ZNF729: variants seen among roughly 807,000 people sequenced by gnomAD.
The protein encoded by ZNF729 is zinc finger protein 729.
ZNF729 carries 15 observed loss-of-function variants against 12.2 expected under a neutral mutation model. The observed-to-expected ratio is 1.23, with a 90% CI of 0.82 to 1.89. The LOEUF is 1.89. ZNF729 is among the 40% of genes most tolerant of loss of function. The pLI is 0.00. For missense variants in ZNF729, 1,540 were observed against 1,456.7 expected (o/e 1.06, Z -0.93); for synonymous variants, 492 against 476.3 (o/e 1.03, Z -0.43).
rs754890168 is a variant in ZNF729, at chr19:22,317,059, A to G, written c.3642A>G (p.Lys1214=). 3 of 1,606,704 alleles carry G rather than the reference A, an allele frequency of 1.9e-6. No individual in the cohort carries two copies. The South Asian group carries it at 3.3e-5, about 18-fold the overall frequency. The change falls in exon 4 of 4, where the codon AAA becomes AAG. Residue 1214 remains lysine (K), a synonymous_variant. Transcript: ENST00000601693. ...ATAAAACAATTCATACCAGAGAGAAACCTACAAATGTGAAGAAAGTACCAA... is the reference window on the plus strand; with the variant it reads ...ATAAAACAATTCATACCAGAGAGAAGCCTACAAATGTGAAGAAAGTACCAA... The part of the protein sequence containing the change: ...IRHKTIHTRE[K]PTNVKKVPKL...
Position 22,316,458 on chromosome 19 carries a change from A to G in ZNF729, c.3041A>G (p.His1014Arg). 1 of 1,613,692 alleles carries G rather than the reference A, an allele frequency of 6.2e-7. No homozygotes were observed. The highest frequency in any genetic ancestry group is 8.5e-7 in the Non-Finnish European group (1 of 1,179,710). The change falls in exon 4 of 4, where the codon CAT becomes CGT. Residue 1014 changes from histidine to arginine, a missense_variant. Coordinates refer to ENST00000601693, the MANE Select transcript of ZNF729 (RefSeq NM_001242680.2). Reference protein sequence around the residue: ...SSTLKKHKLIHTREKLYKCEE... With the variant: ...SSTLKKHKLIRTREKLYKCEE... ...ACCCTTAAGAAACATAAGCTAATTC[A>G]TACTAGGGAGAAATTGTACAAATGT...
In ZNF729 at chr19:22,315,822, G is replaced by A; in HGVS notation, c.2405G>A (p.Gly802Asp). 6.2e-7 allele frequency: 1 copy of A among 1,610,694 alleles called. No individual in the cohort carries two copies. The highest frequency in any genetic ancestry group is 8.5e-7 in the Non-Finnish European group (1 of 1,179,666). Residue 802 changes from glycine to aspartate, a missense_variant, in exon 4 of 4, where the codon GGT (glycine) becomes GAT (aspartate). Physicochemically the swap from Gly to Asp is moderately conservative, Grantham distance 94. Coordinates refer to ENST00000601693, the MANE Select transcript of ZNF729 (RefSeq NM_001242680.2). ...GEKPYKCEEC[G>D]KAFKWSSKLT... Reference sequence around the variant, plus strand: ...AAACCCTACAAGTGTGAAGAATGTGGTAAAGCTTTTAAGTGGTCCTCAAAG... The same window carrying A: ...AAACCCTACAAGTGTGAAGAATGTGATAAAGCTTTTAAGTGGTCCTCAAAG...
chr19:22,287,495 G>A (rs1261929748), intron 1 of ZNF729, among the ~76,000 whole-genome samples: 2 of 151,994 alleles, frequency 1.3e-5, no homozygotes, highest in Admixed American at 1.3e-4. Flanking sequence ...TCGAACTCCC[G>A]ACCTCAGGTG....
intron 1 of ZNF729, among the ~76,000 whole-genome samples, chr19:22,303,254 A>T (rs76712090): frequency 0.012 from 1,852 of 150,334 alleles, 19 homozygotes; most frequent in Middle Eastern, 0.038. Flanking sequence ...AATGTTTGAC[A>T]AAAGATTCTT....
At chr19:22,301,050 ATG>A (rs150376761) in intron 1 of ZNF729, among the ~76,000 whole-genome samples, 3,349 of 152,298 alleles carry the variant, frequency 0.022, 110 homozygotes, top group African/African-American at 0.077. Flanking sequence ...TTTTTGAACT[ATG>A]TATTCATCTT....
chr19:22,292,974 T>A (rs1968174754), intron 1 of ZNF729, among the ~76,000 whole-genome samples: 1 of 152,198 alleles, frequency 6.6e-6, no homozygotes, highest in East Asian at 1.9e-4. Flanking sequence ...TGAACTAATT[T>A]ACACTCATGC....
chr19:22,314,360 A>G lies in ZNF729; in HGVS notation c.943A>G (p.Thr315Ala), dbSNP rs1390468083. Residue 315 changes from threonine to alanine, a missense_variant, in exon 4 of 4, where the codon ACT becomes GCT. Coordinates refer to ENST00000601693, the MANE Select transcript of ZNF729 (RefSeq NM_001242680.2). ...TTTTAATGCACATAAGGTAATTCAT[A>G]CTGCAGAGAAACCCTACAAATGTGA... Reference protein sequence around the residue: ...SNFNAHKVIHTAEKPYKCEDC... With the variant: ...SNFNAHKVIHAAEKPYKCEDC... 1.9e-6 allele frequency: 3 copies of G among 1,587,118 alleles called. No individual in the cohort carries two copies. Among genetic ancestry groups the G allele is most frequent in the East Asian group, 2.2e-5 (1 of 44,542 alleles).
chr19:22,312,665 A>C, intron 3 of ZNF729, among the ~76,000 whole-genome samples: 1 of 152,096 alleles, frequency 6.6e-6, no homozygotes, highest in East Asian at 1.9e-4. Context: ...CAAAAACCAG[A>C]AAGGCCCCTG....
In ZNF729 at chr19:22,314,948, A is replaced by C; in HGVS notation, c.1531A>C (p.Thr511Pro). The C allele has an allele frequency of 3.1e-6, 5 of 1,612,652 alleles. No homozygotes were observed. Among genetic ancestry groups the C allele is most frequent in the Non-Finnish European group, 4.2e-6 (5 of 1,179,762 alleles). The part of the protein sequence containing the change: ...SDLRRHKIIH[T>P]GKKPYKCEEC... ...CCTTAGAAGACATAAGATAATTCAT[A>C]CTGGAAAGAAACCCTACAAATGTGA... Residue 511 changes from threonine to proline, a missense_variant, in exon 4 of 4, where the codon ACT (threonine) becomes CCT (proline). Thr to Pro is a conservative substitution (Grantham distance 38). Transcript: ENST00000601693.
intron 1 of ZNF729, among the ~76,000 whole-genome samples, chr19:22,301,391 G>A (rs1216966558): frequency 6.6e-6 from 1 of 151,972 alleles, no homozygotes; most frequent in Non-Finnish European, 1.5e-5. Context: ...GTTTTAGGTA[G>A]ACATATTTAG....
chr19:22,288,947 G>A (rs1024906255), intron 1 of ZNF729, among the ~76,000 whole-genome samples: 27 of 152,140 alleles, frequency 1.8e-4, no homozygotes, highest in Non-Finnish European at 2.5e-4. Context: ...ACTCACTGGG[G>A]CTTAATTCAG....
chr19:22,301,799 C>G (rs1310126285), intron 1 of ZNF729, among the ~76,000 whole-genome samples: 1 of 152,310 alleles, frequency 6.6e-6, no homozygotes, highest in Non-Finnish European at 1.5e-5. Flanking sequence ...GCCATGACTA[C>G]AACTATACCT....
At chr19:22,310,377 G>A (rs1020375497) in intron 3 of ZNF729, among the ~76,000 whole-genome samples, 4 of 152,072 alleles carry the variant, frequency 2.6e-5, no homozygotes, top group Admixed American at 1.3e-4. Context: ...TATGTCCCTT[G>A]TATGCCAATT....
In ZNF729 at chr19:22,316,744, T is replaced by C; in HGVS notation, c.3327T>C (p.Cys1109=). The C allele has an allele frequency of 6.2e-7, 1 of 1,612,886 alleles. No individual in the cohort carries two copies. ...TGKKPYQCDE[C]GKAFNNSSTL... ...AGAAACCCTACCAATGTGACGAATG[T>C]GGCAAAGCTTTTAACAATTCCTCAA... Residue 1109 remains cysteine (C), a synonymous_variant, in exon 4 of 4, where the codon TGT becomes TGC. Coordinates refer to ENST00000601693, the MANE Select transcript of ZNF729 (RefSeq NM_001242680.2).
At chr19:22,304,586 T>C in intron 2 of ZNF729, 102 bp from the exon 3 acceptor site, 2 of 1,016,218 alleles carry the variant, frequency 2.0e-6, no homozygotes, top group Non-Finnish European at 2.9e-6. Context: ...AAATTAGTAT[T>C]GGGGGATCAA....
chr19:22,287,328 G>A (rs572711908), intron 1 of ZNF729, among the ~76,000 whole-genome samples: 3 of 151,044 alleles, frequency 2.0e-5, no homozygotes, highest in Non-Finnish European at 2.9e-5. Flanking sequence ...GTGCAATAGC[G>A]CGATCTCCTC....
In ZNF729 at chr19:22,303,374, G is replaced by A. The variant is rs188059144; in HGVS notation, c.31-384G>A. ...TGCATAACAAGATCTCCAGTTAATTGTACACATTAAAATTTGAGAGGTGTC... is the reference window on the plus strand; with the variant it reads ...TGCATAACAAGATCTCCAGTTAATTATACACATTAAAATTTGAGAGGTGTC... On this transcript the variant is annotated intron_variant, in intron 1 of 3. Transcript: ENST00000601693. 1.9e-3 allele frequency among the ~76,000 whole-genome samples: 284 copies of A among 149,352 alleles called. 1 individual carries two copies. The highest frequency in any genetic ancestry group is 6.4e-3 in the African/African-American group (259 of 40,652).
intron 3 of ZNF729, among the ~76,000 whole-genome samples, chr19:22,311,582 A>C (rs1968450182): frequency 6.6e-6 from 1 of 152,024 alleles, no homozygotes; most frequent in Admixed American, 6.6e-5. Flanking sequence ...AGTTCTCTTA[A>C]ATTTATTGAG....
intron 1 of ZNF729, among the ~76,000 whole-genome samples, chr19:22,289,697 C>G (rs758556577): frequency 3.3e-5 from 5 of 152,068 alleles, no homozygotes; most frequent in African/African-American, 1.2e-4. Context: ...CACATTTCCA[C>G]AAGAAAATAT....
Sources: gnomAD v4.1 joint callset for allele counts (sites outside exome capture counted in the v4.1 genomes callset) on GRCh38, gnomAD v4.1.1 for gene constraint, MANE v1.5 for transcripts, NCBI Gene and HGNC (gene_info 2026-07-23, HGNC 2026-07-21) for gene names.